TSHZ2: variants seen among roughly 807,000 people sequenced by gnomAD.
The protein encoded by TSHZ2 is teashirt zinc finger homeobox 2.
TSHZ2 carries 21 observed loss-of-function variants against 74.4 expected under a neutral mutation model. The observed-to-expected ratio is 0.28, with a 90% CI of 0.20 to 0.41. The LOEUF is 0.41. Ranked by LOEUF, TSHZ2 falls within the 10% of genes least tolerant of loss-of-function variation. The pLI, the probability that TSHZ2 is intolerant of heterozygous loss-of-function variation, is 1.00. For missense variants in TSHZ2, 1,244 were observed against 1,293.5 expected (o/e 0.96, Z 0.59); for synonymous variants, 540 against 515.3 (o/e 1.05, Z -0.65).
intron 1 of TSHZ2, among the ~76,000 whole-genome samples, chr20:53,000,736 G>A (rs938497067): frequency 1.1e-4 from 17 of 152,028 alleles, no homozygotes; most frequent in Non-Finnish European, 1.5e-4. Flanking sequence ...ATGAGATGAC[G>A]GAAGCTTTTT....
rs1484093084 is a variant in TSHZ2 at position 53,469,548 on chromosome 20, AGAAGGAGGGAAG to A, written c.*9-17589_*9-17578del. 1.4e-4 allele frequency among the ~76,000 whole-genome samples: 17 copies of A among 125,208 alleles called. No homozygotes were observed. In the East Asian group the frequency reaches 2.0e-3, roughly 15 times the overall value. The allele number at this position is 125,208 out of a possible 152,430, so 82.1% of individuals were successfully genotyped here. On this transcript the variant is annotated intron_variant, in intron 2 of 2. Coordinates refer to ENST00000371497, the MANE Select transcript of TSHZ2 (RefSeq NM_173485.6). ...GAGTGAGACTCTGTCAAGAAAAGAA[AGAAGGAGGGAAG>A]GAAGGAAGGAAGGAAGGAAGGAAGG...
chr20:53,244,822 G>C (rs539811450), intron 1 of TSHZ2, among the ~76,000 whole-genome samples: 113 of 152,202 alleles, frequency 7.4e-4, no homozygotes, highest in African/African-American at 2.6e-3. Flanking sequence ...CACTTTCTAC[G>C]GAAGTTCCCG....
chr20:53,459,615 G>T (rs1985265158), intron 2 of TSHZ2, among the ~76,000 whole-genome samples: 1 of 141,932 alleles, frequency 7.0e-6, no homozygotes, highest in African/African-American at 2.7e-5. Context: ...GTTAGCTGGT[G>T]ATTTTGCTCG....
At chr20:53,219,271 CG>C (rs1225725281) in intron 1 of TSHZ2, among the ~76,000 whole-genome samples, 1 of 152,106 alleles carries the variant, frequency 6.6e-6, no homozygotes, top group African/African-American at 2.4e-5. Flanking sequence ...TTTTTAAACA[CG>C]AGAACAATCT....
intron 1 of TSHZ2, among the ~76,000 whole-genome samples, chr20:53,133,685 T>A (rs1987166237): frequency 6.6e-6 from 1 of 152,224 alleles, no homozygotes; most frequent in South Asian, 2.1e-4. Flanking sequence ...ACTAAACATC[T>A]AGCCATTCCA....
chr20:53,278,673 A>T (rs1250901953), intron 2 of TSHZ2, among the ~76,000 whole-genome samples: 2 of 152,108 alleles, frequency 1.3e-5, no homozygotes, highest in African/African-American at 4.8e-5. Context: ...CCTTATATTA[A>T]TCTTTCTTAT....
chr20:53,264,431 G>A (rs1990666358), intron 2 of TSHZ2, among the ~76,000 whole-genome samples: 1 of 152,200 alleles, frequency 6.6e-6, no homozygotes, highest in African/African-American at 2.4e-5. Context: ...ATATGGAACA[G>A]ACAATGTTTC....
At chr20:53,377,584 G>A (rs1981703004) in intron 2 of TSHZ2, among the ~76,000 whole-genome samples, 1 of 152,194 alleles carries the variant, frequency 6.6e-6, no homozygotes, top group Non-Finnish European at 1.5e-5. Flanking sequence ...ACTGGGCCGG[G>A]TATGGTGGCT....
chr20:53,356,528 C>G (rs1262486198), intron 2 of TSHZ2, among the ~76,000 whole-genome samples: 1 of 152,204 alleles, frequency 6.6e-6, no homozygotes, highest in Non-Finnish European at 1.5e-5. Context: ...TGCACTGCAT[C>G]TCACAAATTA....
chr20:53,416,128 G>A (rs982371375), intron 2 of TSHZ2, among the ~76,000 whole-genome samples: 1 of 152,164 alleles, frequency 6.6e-6, no homozygotes, highest in Non-Finnish European at 1.5e-5. Context: ...GAGGCAGAGA[G>A]GCCATGTGAG....
intron 1 of TSHZ2, among the ~76,000 whole-genome samples, chr20:53,237,568 T>C (rs1989970374): frequency 1.3e-5 from 2 of 151,968 alleles, no homozygotes; most frequent in South Asian, 2.1e-4. Flanking sequence ...ACGAAAAATA[T>C]AGACAAAAAA....
intron 2 of TSHZ2, among the ~76,000 whole-genome samples, chr20:53,327,392 G>A (rs1979539490): frequency 6.6e-6 from 1 of 152,200 alleles, no homozygotes; most frequent in Non-Finnish European, 1.5e-5. Context: ...GGGAGGCTGA[G>A]GCAGGAGAAT....
chr20:53,029,275 A>G (rs1256026701), intron 1 of TSHZ2, among the ~76,000 whole-genome samples: 1 of 152,256 alleles, frequency 6.6e-6, no homozygotes, highest in South Asian at 2.1e-4. Flanking sequence ...TTATTGACTC[A>G]TTGCACATAT....
At chr20:53,017,719 T>G (rs1408335181) in intron 1 of TSHZ2, among the ~76,000 whole-genome samples, 3 of 152,202 alleles carry the variant, frequency 2.0e-5, no homozygotes, top group East Asian at 3.8e-4. Flanking sequence ...GAGAATACTT[T>G]GACATCACCC....
intron 1 of TSHZ2, among the ~76,000 whole-genome samples, chr20:53,130,632 T>A (rs901248636): frequency 6.6e-6 from 1 of 151,826 alleles, no homozygotes; most frequent in Non-Finnish European, 1.5e-5. Context: ...TCTCAAAAAA[T>A]ATATATATAA....
intron 1 of TSHZ2, among the ~76,000 whole-genome samples, chr20:53,018,657 C>A (rs1983126536): frequency 6.6e-6 from 1 of 152,222 alleles, no homozygotes; most frequent in Admixed American, 6.5e-5. Context: ...CAATGTTGAA[C>A]TTTAACACAT....
intron 1 of TSHZ2, among the ~76,000 whole-genome samples, chr20:53,196,778 T>A (rs1431944312): frequency 6.6e-6 from 1 of 152,242 alleles, no homozygotes; most frequent in African/African-American, 2.4e-5. Context: ...GGTATTCAAC[T>A]CTGAGTGGTG....
intron 2 of TSHZ2, among the ~76,000 whole-genome samples, chr20:53,294,467 G>A (rs1465753893): frequency 6.6e-6 from 1 of 151,338 alleles, no homozygotes; most frequent in Non-Finnish European, 1.5e-5. Context: ...AAGTCCACAA[G>A]CTTATAAAAA....
At chr20:52,986,082 A>G (rs1290448467) in intron 1 of TSHZ2, among the ~76,000 whole-genome samples, 1 of 152,134 alleles carries the variant, frequency 6.6e-6, no homozygotes, top group African/African-American at 2.4e-5. Flanking sequence ...TTAGCAAGCA[A>G]AGATATCCAG....
Sources: allele counts gnomAD v4.1 joint callset (sites outside exome capture counted in the v4.1 genomes callset), GRCh38; gene constraint gnomAD v4.1.1; transcripts MANE v1.5; gene names NCBI Gene and HGNC (gene_info 2026-07-23, HGNC 2026-07-21).